CEP83: variants seen among roughly 807,000 people sequenced by gnomAD.
CEP83 encodes the protein centrosomal protein 83.
Under a neutral mutation model 101.9 loss-of-function variants are expected in CEP83, and 70 were observed. The ratio of observed to expected loss-of-function variants is 0.69; its 90% confidence interval spans 0.57 to 0.84. CEP83 has a LOEUF of 0.84. Ranked by LOEUF, CEP83 falls within the 40% of genes least tolerant of loss-of-function variation. CEP83 has a pLI of 0.00. For synonymous variants in CEP83, 264 were observed against 267.9 expected (o/e 0.99, Z 0.14); for missense variants, 715 against 787.2 (o/e 0.91, Z 1.10).
At chr12:94,441,673 T>C (rs2066407592) in intron 1 of CEP83, among the ~76,000 whole-genome samples, 1 of 152,146 alleles carries the variant, frequency 6.6e-6, no homozygotes, top group Admixed American at 6.5e-5. Context: ...CCCAGCACTT[T>C]GGGAGGCCGA....
chr12:94,298,817 G>C, the CEP83 span: 1 of 1,598,250 alleles, frequency 6.3e-7, no homozygotes, highest in Non-Finnish European at 8.5e-7. Flanking sequence ...GGTGATTAGT[G>C]ACTGTTTTCA....
chr12:94,277,312 G>GTA, the CEP83 span: 1 of 152,864 alleles, frequency 6.5e-6, no homozygotes, highest in Non-Finnish European at 1.5e-5. Flanking sequence ...CCACCTCCAA[G>GTA]TACCATCACC....
the CEP83 span, among the ~76,000 whole-genome samples, chr12:94,295,652 C>T: frequency 4.6e-5 from 7 of 152,240 alleles, no homozygotes; most frequent in African/African-American, 7.2e-5. Flanking sequence ...AAAATCCCAA[C>T]GCTGGATGAA....
intron 11 of CEP83, among the ~76,000 whole-genome samples, chr12:94,366,469 G>T (rs890832553): frequency 4.6e-5 from 7 of 152,092 alleles, no homozygotes; most frequent in African/African-American, 1.7e-4. Flanking sequence ...TATATTTTAG[G>T]ACTGAGGAAA....
At chr12:94,438,983 T>C (rs2066199306) in intron 1 of CEP83, among the ~76,000 whole-genome samples, 1 of 152,094 alleles carries the variant, frequency 6.6e-6, no homozygotes, top group Admixed American at 6.5e-5. Flanking sequence ...ACGATAACAG[T>C]GACACAACCT....
chr12:94,267,306 CT>C, the CEP83 span, among the ~76,000 whole-genome samples: 3 of 152,110 alleles, frequency 2.0e-5, no homozygotes, highest in Admixed American at 1.3e-4. Flanking sequence ...GTTTTGAAGC[CT>C]TTTTAATGCT....
chr12:94,301,401 T>TCTATTTGAATATACATAAAATGC, the CEP83 span, among the ~76,000 whole-genome samples: 2 of 152,212 alleles, frequency 1.3e-5, no homozygotes, highest in Non-Finnish European at 2.9e-5. Flanking sequence ...CTAAATCAAT[T>TCTATTTGAATATACATAAAATGC]CTATTTGAAT....
At chr12:94,297,238 T>G in the CEP83 span, 2 of 1,614,054 alleles carry the variant, frequency 1.2e-6, no homozygotes, top group Non-Finnish European at 1.7e-6. Context: ...CAGGCTTTCT[T>G]GTGCTCACCA....
intron 11 of CEP83, among the ~76,000 whole-genome samples, chr12:94,350,621 A>C (rs975130306): frequency 1.6e-4 from 24 of 152,286 alleles, no homozygotes; most frequent in African/African-American, 3.9e-4. Context: ...ACAACAACAA[A>C]AAAAAACAGA....
chr12:94,333,907 T>G (rs940208276), intron 12 of CEP83, among the ~76,000 whole-genome samples: 3 of 152,050 alleles, frequency 2.0e-5, no homozygotes, highest in Admixed American at 6.6e-5. Context: ...GTATTGGGAA[T>G]GGAGAGAAGG....
chr12:94,433,473 G>A (rs993250086), intron 2 of CEP83, among the ~76,000 whole-genome samples: 3 of 152,038 alleles, frequency 2.0e-5, no homozygotes, highest in Non-Finnish European at 4.4e-5. Flanking sequence ...TTGAGCTCAG[G>A]AGTTCAAGAA....
intron 11 of CEP83, among the ~76,000 whole-genome samples, chr12:94,341,374 G>C (rs2059681392): frequency 6.6e-6 from 1 of 152,016 alleles, no homozygotes; most frequent in African/African-American, 2.4e-5. Context: ...CATTTCCTTA[G>C]TAAGACCTTT....
At chr12:94,450,377 G>A (rs775760312) in intron 1 of CEP83, among the ~76,000 whole-genome samples, 6 of 152,082 alleles carry the variant, frequency 3.9e-5, no homozygotes, top group South Asian at 2.1e-4. Context: ...TCAGCCTCCC[G>A]AGTAGCTGGG....
chr12:94,457,072 A>G (rs2067736787), intron 1 of CEP83, among the ~76,000 whole-genome samples: 1 of 152,200 alleles, frequency 6.6e-6, no homozygotes, highest in African/African-American at 2.4e-5. Context: ...AAAGAAGGGA[A>G]TAAGATCAGG....
intron 14 of CEP83, among the ~76,000 whole-genome samples, chr12:94,316,007 T>C (rs1007449300): frequency 2.0e-5 from 3 of 152,176 alleles, no homozygotes; most frequent in Admixed American, 6.6e-5. Context: ...TCAGATGAAT[T>C]TTAGAATCTA....
chr12:94,359,930 C>A (rs2060662841), intron 11 of CEP83, among the ~76,000 whole-genome samples: 1 of 152,102 alleles, frequency 6.6e-6, no homozygotes, highest in Admixed American at 6.5e-5. Context: ...AGATTATTCA[C>A]CATGATCAAG....
chr12:94,315,521 G>C (rs1025101925), intron 14 of CEP83, among the ~76,000 whole-genome samples: 4 of 152,002 alleles, frequency 2.6e-5, no homozygotes, highest in African/African-American at 9.7e-5. Context: ...ACCTTCTCCA[G>C]CCTGTGGTGT....
At chr12:94,369,345 T>C (rs530088044) in intron 9 of CEP83, 1 of 152,254 alleles carries the variant, frequency 6.6e-6, no homozygotes, top group African/African-American at 2.4e-5. Context: ...TCCCAGCTAT[T>C]TGGGAGGCTG....
At chr12:94,453,821 G>A (rs140256343) in intron 1 of CEP83, among the ~76,000 whole-genome samples, 63 of 152,266 alleles carry the variant, frequency 4.1e-4, no homozygotes, top group African/African-American at 1.4e-3. Flanking sequence ...TGCCTAGGCC[G>A]GGCGCAGTGG....
Sources: allele counts gnomAD v4.1 joint callset (sites outside exome capture counted in the v4.1 genomes callset), GRCh38; gene constraint gnomAD v4.1.1; transcripts MANE v1.5; gene names NCBI Gene and HGNC (gene_info 2026-07-23, HGNC 2026-07-21).